NFAM1: variants seen among roughly 807,000 people sequenced by gnomAD.
NFAM1 encodes NFAT activating protein with ITAM motif 1.
A neutral mutation model predicts 29.0 loss-of-function variants in NFAM1; 17 were observed. That is an observed-to-expected ratio of 0.59 (90% CI 0.40 to 0.88). The LOEUF (loss-of-function observed/expected upper bound fraction) is 0.88. Ranked by LOEUF, NFAM1 falls within the 40% of genes least tolerant of loss-of-function variation. The pLI is 0.00. For missense variants in NFAM1, 324 were observed against 344.6 expected (o/e 0.94, Z 0.47); for synonymous variants, 175 against 147.2 (o/e 1.19, Z -1.36).
At chr22:42,398,382 TTTATTATTATTA>T (rs202112713) in intron 3 of NFAM1, among the ~76,000 whole-genome samples, 135 of 125,428 alleles carry the variant, frequency 1.1e-3, no homozygotes, top group Admixed American at 1.3e-3. Context: ...CTTGGTTTTA[TTTATTATTATTA>T]TTATTATTAT....
At chr22:42,407,060 CCACCG>C (rs1159257215) in intron 3 of NFAM1, among the ~76,000 whole-genome samples, 5 of 150,828 alleles carry the variant, frequency 3.3e-5, no homozygotes, top group South Asian at 4.2e-4. Flanking sequence ...CAGGCATGAG[CCACCG>C]CACCCGGACC....
chr22:42,397,409 G>A (rs1489711324), intron 4 of NFAM1, among the ~76,000 whole-genome samples: 1 of 152,242 alleles, frequency 6.6e-6, no homozygotes, highest in Non-Finnish European at 1.5e-5. Flanking sequence ...AGGGGAGAGA[G>A]CAAATCATTA....
In NFAM1 at chr22:42,411,712, C is replaced by T. The variant is rs751317098; in HGVS notation, c.146G>A (p.Gly49Asp). The change falls in exon 2 of 6, where the codon GGC (glycine) becomes GAC (aspartate). Residue 49 changes from glycine (G) to aspartate (D), a missense_variant. By Grantham distance (94) the Gly-to-Asp change is moderately conservative. Transcript: ENST00000329021. ...LAGGQSVTHT[G>D]LPIMASLANT... is the part of the protein sequence containing the mutation. The stretch of plus-strand genomic sequence containing the variant: ...GGCCAGGGAGGCCATGATGGGCAGG[C>T]CGGTGTGGGTCACTGACTGTCCTCC... The T allele has an allele frequency of 3.7e-5, 59 of 1,613,800 alleles. No individual in the cohort carries two copies. Among genetic ancestry groups the T allele is most frequent in the Admixed American group, 2.2e-4 (13 of 60,010 alleles).
At chr22:42,422,735 T>C (rs562258192) in intron 1 of NFAM1, among the ~76,000 whole-genome samples, 4 of 152,232 alleles carry the variant, frequency 2.6e-5, no homozygotes, top group Admixed American at 2.6e-4. Context: ...CAAAGGGGCA[T>C]CAGGATGGTG....
intron 3 of NFAM1, among the ~76,000 whole-genome samples, chr22:42,398,792 C>T (rs937432156): frequency 2.0e-5 from 3 of 152,130 alleles, no homozygotes; most frequent in African/African-American, 7.2e-5. Context: ...GGAGTAGGTG[C>T]CTGGTGCTTA....
Position 42,432,283 on chromosome 22 carries a change from C to A in NFAM1, c.75G>T (p.Trp25Cys). Reference protein sequence around the residue: ...PRPPGLPAAPWLLLGVLLLPG... With the variant: ...PRPPGLPAAPCLLLGVLLLPG... ...GCAGCAGCAGCACGCCAAGGAGGAG[C>A]CAGGGGGCTGCGGGGAGCCCAGGAG... Residue 25 changes from tryptophan to cysteine, a missense_variant, in exon 1 of 6, where the codon TGG (tryptophan) becomes TGT (cysteine). Transcript: ENST00000329021. 5 of 1,572,680 alleles carry A rather than the reference C, an allele frequency of 3.2e-6. No individual in the cohort carries two copies. The highest frequency in any genetic ancestry group is 4.3e-6 in the Non-Finnish European group (5 of 1,158,650).
In NFAM1 at chr22:42,409,833, C is replaced by A. The variant is rs142332098; in HGVS notation, c.452-286G>T. 2.5e-3 allele frequency among the ~76,000 whole-genome samples: 387 copies of A among 152,300 alleles called. No individual in the cohort carries two copies. Among genetic ancestry groups the A allele is most frequent in the African/African-American group, 9.1e-3 (377 of 41,570 alleles). ...TGTGGGCTGCTTGTAGGGCCCTGAG[C>A]GAGATGTCTCCCCTCTCGGGGCCTC... On this transcript the variant is annotated intron_variant, in intron 2 of 5. Transcript: ENST00000329021. The surrounding 1 kb of genome is among the most constrained non-coding windows in gnomAD (Gnocchi z 4.9).
intron 2 of NFAM1, among the ~76,000 whole-genome samples, chr22:42,410,661 A>G (rs1385427076): frequency 6.7e-6 from 1 of 150,046 alleles, no homozygotes; most frequent in Admixed American, 6.6e-5. Flanking sequence ...TCTGTCTCAA[A>G]AAAAAAAAAA....
At chr22:42,397,760 A>T in intron 4 of NFAM1, 98 bp downstream of exon 4, 1 of 741,912 alleles carries the variant, frequency 1.3e-6, no homozygotes, top group Non-Finnish European at 2.4e-6. Context: ...GAGAGTCCAC[A>T]CAGCTGGTAC....
intron 3 of NFAM1, among the ~76,000 whole-genome samples, chr22:42,401,238 T>C (rs1225280316): frequency 6.6e-6 from 1 of 152,172 alleles, no homozygotes; most frequent in Non-Finnish European, 1.5e-5. Context: ...TAAGAAGGTA[T>C]CTTAGACATT....
At position 42,419,131 on chromosome 22, in the gene NFAM1, G is replaced by A. The variant is rs563724879; in HGVS notation, c.122-7395C>T. On this transcript the variant is annotated intron_variant, in intron 1 of 5. Coordinates refer to ENST00000329021, the MANE Select transcript of NFAM1 (RefSeq NM_145912.8). This position sits in a 1 kb window ranked among gnomAD's most constrained non-coding sequence, Gnocchi z 4.5. Reference sequence around the variant, plus strand: ...AGTCCCTGGCGGGGTGTGCCCCCACGTGTTTGTGTGCCCACCTGGCAGCTT... The same window carrying A: ...AGTCCCTGGCGGGGTGTGCCCCCACATGTTTGTGTGCCCACCTGGCAGCTT... Among the ~76,000 whole-genome samples the A allele has an allele frequency of 3.8e-4, 58 of 152,224 alleles. No homozygotes were observed. Among genetic ancestry groups the A allele is most frequent in the Admixed American group, 3.3e-3 (50 of 15,302 alleles).
Position 42,380,554 on chromosome 22 carries a change from T to C in NFAM1, c.*4607A>G, listed in dbSNP as rs1384146322. The C allele has an allele frequency of 3.3e-5, 5 of 152,720 alleles. No homozygotes were observed. The highest frequency in any genetic ancestry group is 3.9e-4 in the East Asian group (2 of 5,182). 9.5% of individuals were successfully genotyped at this position (152,720 alleles called of 1,614,324 possible). A position where few individuals can be genotyped will look rare whatever the true frequency, so the allele number is the denominator to read the frequency against. ...CGCTCAGTCAAGGCTGAGGCCATCA[T>C]TCTGACCACAGGTCAGGGAAGGGAG... is the stretch of plus-strand genomic sequence containing the variant. On this transcript the variant is annotated 3_prime_UTR_variant, in exon 6 of 6. Coordinates refer to ENST00000329021, the MANE Select transcript of NFAM1 (RefSeq NM_145912.8).
chr22:42,432,197 G>T, intron 1 of NFAM1, 40 bp downstream of exon 1: 1 of 1,522,858 alleles, frequency 6.6e-7, no homozygotes, highest in Non-Finnish European at 8.9e-7. Context: ...CTGATGTTCT[G>T]GAGCGAGAGA....
chr22:42,403,128 C>T lies in NFAM1; in HGVS notation c.565-5172G>A, dbSNP rs548211088. On this transcript the variant is annotated intron_variant, in intron 3 of 5. Coordinates refer to ENST00000329021, the MANE Select transcript of NFAM1 (RefSeq NM_145912.8). ...TTGGGATTATAGTCGTGAGCCACCA[C>T]GCCCGGCCCCCTCTGTGCCTTCTAC... is the stretch of plus-strand genomic sequence containing the variant. Among the ~76,000 whole-genome samples the T allele has an allele frequency of 3.8e-4, 57 of 151,910 alleles. No individual in the cohort carries two copies. In the East Asian group the frequency reaches 5.8e-3, roughly 16 times the overall value.
chr22:42,385,364 A>G (rs1164883141), intron 5 of NFAM1, 144 bp from the exon 6 acceptor site: 8 of 673,840 alleles, frequency 1.2e-5, no homozygotes, highest in Non-Finnish European at 1.9e-5. Flanking sequence ...CTCTGTCTCC[A>G]AGCCCACCTC....
chr22:42,415,792 C>T (rs1348792230), intron 1 of NFAM1, among the ~76,000 whole-genome samples: 1 of 152,186 alleles, frequency 6.6e-6, no homozygotes, highest in Admixed American at 6.5e-5. Context: ...GTTTCACGGT[C>T]ATTTCCAAGT....
intron 1 of NFAM1, among the ~76,000 whole-genome samples, chr22:42,428,314 A>C (rs923503639): frequency 1.3e-5 from 2 of 152,200 alleles, no homozygotes; most frequent in Non-Finnish European, 2.9e-5. Flanking sequence ...CTGTGCCTCG[A>C]AAGTCCTTTA....
In NFAM1 at chr22:42,388,287, TA is replaced by T. The variant is rs1475595300; in HGVS notation, c.664-1210del. On this transcript the variant is annotated intron_variant, in intron 4 of 5. Coordinates refer to ENST00000329021, the MANE Select transcript of NFAM1 (RefSeq NM_145912.8). The surrounding 1 kb of genome is among the most constrained non-coding windows in gnomAD (Gnocchi z 4.1). ...TCTGTAAAATGGGAATAATCACATC[TA>T]TTTTGCAGGTTCAATGCATGATTAA... is the stretch of plus-strand genomic sequence containing the variant. Among the ~76,000 whole-genome samples, 1 of 152,216 alleles carries T rather than the reference TA, an allele frequency of 6.6e-6. No individual in the cohort carries two copies. The highest frequency in any genetic ancestry group is 1.5e-5 in the Non-Finnish European group (1 of 68,034).
At chr22:42,426,463 C>T (rs1930625836) in intron 1 of NFAM1, among the ~76,000 whole-genome samples, 1 of 152,234 alleles carries the variant, frequency 6.6e-6, no homozygotes, top group Non-Finnish European at 1.5e-5. Flanking sequence ...GGTGCAGCCA[C>T]TCATCAAATA....
Sources: gnomAD v4.1 joint callset for allele counts (sites outside exome capture counted in the v4.1 genomes callset) on GRCh38, gnomAD v4.1.1 for gene constraint, Gnocchi (gnomAD v3.1) non-coding constraint, MANE v1.5 for transcripts, NCBI Gene and HGNC (gene_info 2026-07-23, HGNC 2026-07-21) for gene names.